Variants in RAI14 observed in about 807,000 individuals in gnomAD.
The protein encoded by RAI14 is ankycorbin.
Under a neutral mutation model 115.4 loss-of-function variants are expected in RAI14, and 45 were observed. The ratio of observed to expected loss-of-function variants is 0.39; its 90% CI spans 0.31 to 0.50. The LOEUF is 0.50. RAI14 is among the 20% of genes least tolerant of loss of function. The probability of loss-of-function intolerance (pLI) is 0.85; values close to 1 mark genes in which losing one functional copy is unlikely to be tolerated. For missense variants in RAI14, 939 were observed against 1,131.2 expected (o/e 0.83, Z 2.44); for synonymous variants, 371 against 415.4 (o/e 0.89, Z 1.30).
intron 4 of RAI14, among the ~76,000 whole-genome samples, chr5:34,801,033 A>G (rs1561053342): frequency 6.6e-6 from 1 of 152,234 alleles, no homozygotes; most frequent in Non-Finnish European, 1.5e-5. Flanking sequence ...AAGCCTATTT[A>G]ATGCATCATG....
chr5:34,767,916 T>G (rs2150123379), intron 3 of RAI14, among the ~76,000 whole-genome samples: 1 of 146,270 alleles, frequency 6.8e-6, no homozygotes, highest in South Asian at 2.2e-4. Context: ...GCTAGGGCAG[T>G]GCAGAAGGGA....
rs770480788 is a variant in RAI14 at position 34,682,213 on chromosome 5, T to A, written c.-48-4659T>A. Among the ~76,000 whole-genome samples, 148 of 148,856 alleles carry A rather than the reference T, an allele frequency of 9.9e-4. 1 individual carries two copies. The highest frequency in any genetic ancestry group is 1.5e-3 in the Non-Finnish European group (100 of 67,052). On this transcript the variant is annotated intron_variant, in intron 1 of 17. Transcript: ENST00000265109. ...AATGTAATAGAGATTATTAAGCTTT[T>A]AAAAAAAAAACAGCTTTGTTGAGAT...
At chr5:34,763,004 ACTTTTCAGAAAC>A (rs1285803382) in intron 3 of RAI14, among the ~76,000 whole-genome samples, 1 of 149,248 alleles carries the variant, frequency 6.7e-6, no homozygotes, top group African/African-American at 2.5e-5. Context: ...TATGTTGCCC[ACTTTTCAGAAAC>A]CTGATCTTTT....
intron 7 of RAI14, among the ~76,000 whole-genome samples, 183 bp from the exon 8 acceptor site, chr5:34,810,829 C>T (rs1264010657): frequency 6.6e-6 from 1 of 151,952 alleles, no homozygotes; most frequent in Non-Finnish European, 1.5e-5. Context: ...AATTCCATAA[C>T]AAGAGTTGTG....
chr5:34,724,961 A>C (rs1052918286), intron 2 of RAI14, among the ~76,000 whole-genome samples: 1 of 152,096 alleles, frequency 6.6e-6, no homozygotes, highest in Non-Finnish European at 1.5e-5. Flanking sequence ...CTAGGTTACC[A>C]AGCTTGTGCA....
intron 3 of RAI14, among the ~76,000 whole-genome samples, chr5:34,778,522 G>T (rs1319117068): frequency 6.6e-6 from 1 of 152,150 alleles, no homozygotes; most frequent in Admixed American, 6.5e-5. Flanking sequence ...GCTATCCCAG[G>T]TAGTGACCAG....
At chr5:34,824,906 T>TGCACTCCA (rs1425051459) in intron 15 of RAI14, among the ~76,000 whole-genome samples, 1 of 136,914 alleles carries the variant, frequency 7.3e-6, no homozygotes, top group Non-Finnish European at 1.5e-5. Flanking sequence ...ATCAGGCCAC[T>TGCACTCCA]GCACTCCAGC....
chr5:34,782,292 T>C (rs1751753450), intron 3 of RAI14, among the ~76,000 whole-genome samples: 1 of 152,190 alleles, frequency 6.6e-6, no homozygotes, highest in South Asian at 2.1e-4. Flanking sequence ...TTCTTTTTTT[T>C]CAAAGTGATA....
chr5:34,768,509 G>A (rs1749719065), intron 3 of RAI14, among the ~76,000 whole-genome samples: 1 of 152,112 alleles, frequency 6.6e-6, no homozygotes, highest in African/African-American at 2.4e-5. Flanking sequence ...GAGGGAAGTG[G>A]GGATCAGAGA....
intron 2 of RAI14, among the ~76,000 whole-genome samples, chr5:34,752,749 G>GTATATATATATATATATA (rs71600954): frequency 4.7e-5 from 5 of 107,054 alleles, no homozygotes; most frequent in African/African-American, 1.5e-4. Context: ...GTGTGTGTGT[G>GTATATATATATATATATA]TATATATATA....
intron 2 of RAI14, among the ~76,000 whole-genome samples, chr5:34,722,740 G>A (rs542757508): frequency 6.6e-6 from 1 of 151,438 alleles, no homozygotes; most frequent in Non-Finnish European, 1.5e-5. Context: ...CAGCTACTTG[G>A]GGGGCTGAGG....
chr5:34,709,429 C>G (rs1741129454), intron 2 of RAI14, among the ~76,000 whole-genome samples: 1 of 152,128 alleles, frequency 6.6e-6, no homozygotes, highest in Non-Finnish European at 1.5e-5. Flanking sequence ...GCCTGGGCCA[C>G]AGAGCAAGAC....
intron 15 of RAI14, among the ~76,000 whole-genome samples, chr5:34,825,130 C>T (rs1337368901): frequency 6.6e-6 from 1 of 151,880 alleles, no homozygotes; most frequent in Admixed American, 6.6e-5. Context: ...TAAAAATTAG[C>T]CAGGCATGGT....
At chr5:34,721,113 C>T (rs1561276272) in intron 2 of RAI14, among the ~76,000 whole-genome samples, 1 of 151,838 alleles carries the variant, frequency 6.6e-6, no homozygotes, top group Non-Finnish European at 1.5e-5. Context: ...TCTTCCTTCT[C>T]CTCTCTTAAG....
intron 12 of RAI14, among the ~76,000 whole-genome samples, chr5:34,818,322 T>C (rs1056833403): frequency 6.6e-5 from 10 of 152,206 alleles, no homozygotes; most frequent in African/African-American, 2.4e-4. Context: ...TTAGAAAAGT[T>C]AATAGTAACT....
At chr5:34,822,752 C>T (rs541397991) in intron 14 of RAI14, among the ~76,000 whole-genome samples, 4 of 136,554 alleles carry the variant, frequency 2.9e-5, no homozygotes, top group Non-Finnish European at 6.2e-5. Flanking sequence ...GGCGCGATCT[C>T]GGCTCACTGC....
chr5:34,699,911 C>T (rs891763825), intron 2 of RAI14, among the ~76,000 whole-genome samples: 1 of 151,980 alleles, frequency 6.6e-6, no homozygotes, highest in Non-Finnish European at 1.5e-5. Flanking sequence ...AATCTTTGAC[C>T]AAAACATGCT....
intron 4 of RAI14, among the ~76,000 whole-genome samples, chr5:34,803,238 C>A (rs1754484456): frequency 6.6e-6 from 1 of 152,180 alleles, no homozygotes; most frequent in East Asian, 1.9e-4. Flanking sequence ...ATGCTCGATT[C>A]TTCCCACTCG....
At chr5:34,701,694 G>A (rs1221455318) in intron 2 of RAI14, among the ~76,000 whole-genome samples, 3 of 152,170 alleles carry the variant, frequency 2.0e-5, no homozygotes, top group Non-Finnish European at 4.4e-5. Context: ...AAACCAAGCT[G>A]TGCCCTGACC....
Sources: allele counts gnomAD v4.1 joint callset (sites outside exome capture counted in the v4.1 genomes callset), GRCh38; gene constraint gnomAD v4.1.1; transcripts MANE v1.5; gene names NCBI Gene and HGNC (gene_info 2026-07-23, HGNC 2026-07-21).